FGF13: variants seen among roughly 807,000 people sequenced by gnomAD.
FGF13 encodes fibroblast growth factor homologous factor 2.
Under a neutral mutation model 19.5 loss-of-function variants are expected in FGF13, and 2 were observed. The ratio of observed to expected loss-of-function variants is 0.10; its 90% CI spans 0.04 to 0.32. The LOEUF (loss-of-function observed/expected upper bound fraction) is 0.32, where lower values mean the gene tolerates loss of function less well. Among genes scored for constraint, FGF13 ranks in the 10% least tolerant of loss-of-function variants. The pLI, the probability that FGF13 is intolerant of heterozygous loss-of-function variation, is 1.00. For synonymous variants in FGF13, 72 were observed against 76.9 expected (o/e 0.94, Z 0.33); for missense variants, 113 against 192.7 (o/e 0.59, Z 2.45).
At chrX:139,141,040 AGATAGAT>A (rs1885132207) in intron 1 of FGF13, among the ~76,000 whole-genome samples, 1 of 86,673 alleles carries the variant, frequency 1.2e-5, no homozygotes, top group South Asian at 6.5e-4. Context: ...CCTCACCACT[AGATAGAT>A]GATAGATAGA....
intron 1 of FGF13, among the ~76,000 whole-genome samples, chrX:138,943,555 A>T (rs1422780633): frequency 8.9e-6 from 1 of 112,057 alleles, no homozygotes; most frequent in Non-Finnish European, 1.9e-5. Flanking sequence ...TCATTCACTA[A>T]ATGTCATTCA....
intron 1 of FGF13, among the ~76,000 whole-genome samples, chrX:138,897,913 A>G (rs1324760290): frequency 1.8e-5 from 2 of 111,290 alleles, no homozygotes; most frequent in Admixed American, 1.9e-4. Flanking sequence ...TTTTATCTTG[A>G]TGAGGTCAAA....
intron 1 of FGF13, among the ~76,000 whole-genome samples, chrX:138,957,989 C>T (rs1167813309): frequency 8.9e-6 from 1 of 111,853 alleles, no homozygotes; most frequent in Non-Finnish European, 1.9e-5. Flanking sequence ...AATTTGACTT[C>T]CTCTTTTCCT....
At chrX:138,701,179 T>C (rs908950923) in intron 3 of FGF13, among the ~76,000 whole-genome samples, 4 of 112,485 alleles carry the variant, frequency 3.6e-5, no homozygotes, top group East Asian at 2.8e-4. Context: ...CTGCAACCCA[T>C]TGAAATTCTG....
intron 1 of FGF13, among the ~76,000 whole-genome samples, chrX:138,720,802 T>A (rs925703246): frequency 8.9e-6 from 1 of 111,795 alleles, no homozygotes; most frequent in Non-Finnish European, 1.9e-5. Flanking sequence ...TTCAACTGAC[T>A]ACTGGTACTA....
chrX:138,788,761 C>T (rs2090714738), intron 3 of FGF13, among the ~76,000 whole-genome samples: 1 of 90,649 alleles, frequency 1.1e-5, no homozygotes, highest in South Asian at 6.1e-4. Context: ...GTCAAAGATT[C>T]CTTGGTCAAA....
chrX:138,926,827 C>T (rs899853798), intron 1 of FGF13, among the ~76,000 whole-genome samples: 4 of 111,137 alleles, frequency 3.6e-5, no homozygotes, highest in Non-Finnish European at 5.7e-5. Flanking sequence ...GTGTGGCGGG[C>T]TCCTGTAATC....
At chrX:138,923,928 T>C (rs142045613) in intron 1 of FGF13, among the ~76,000 whole-genome samples, 1,316 of 112,058 alleles carry the variant, frequency 0.012, 22 homozygotes, top group African/African-American at 0.041. Flanking sequence ...CTTCAGCCCA[T>C]TACCAAGGAA....
chrX:139,128,998 T>A (rs985170117), intron 1 of FGF13, among the ~76,000 whole-genome samples: 1 of 109,356 alleles, frequency 9.1e-6, no homozygotes, highest in African/African-American at 3.3e-5. Flanking sequence ...TGTTCCTAAT[T>A]TAATCCCTTC....
At position 139,055,061 on chromosome X, in the gene FGF13, T is replaced by C. The variant is rs141528534; in HGVS notation, c.-113+148355A>G. Among the ~76,000 whole-genome samples the C allele has an allele frequency of 1.8e-3, 198 of 111,801 alleles. 1 individual carries two copies. Among genetic ancestry groups the C allele is most frequent in the African/African-American group, 6.3e-3 (194 of 30,711 alleles). On this transcript the variant is annotated intron_variant, in intron 1 of 2. Coordinates refer to the FGF13 transcript ENST00000421460. ...ATCCGGAAAGTTTGCTGAATTCTTTTATTAGTTCTAGGAGCTTTTTGGAGG... is the reference window on the plus strand; with the variant it reads ...ATCCGGAAAGTTTGCTGAATTCTTTCATTAGTTCTAGGAGCTTTTTGGAGG...
At chrX:139,076,141 C>A (rs934491908) in intron 1 of FGF13, among the ~76,000 whole-genome samples, 1 of 111,499 alleles carries the variant, frequency 9.0e-6, no homozygotes, top group Non-Finnish European at 1.9e-5. Flanking sequence ...AGCCTCCATG[C>A]ATGACGATAG....
intron 3 of FGF13, among the ~76,000 whole-genome samples, chrX:138,774,875 A>T: frequency 8.9e-6 from 1 of 112,689 alleles, no homozygotes; most frequent in Non-Finnish European, 1.9e-5. Flanking sequence ...ATTTATTTTC[A>T]TTAAACTTAA....
intron 3 of FGF13, among the ~76,000 whole-genome samples, chrX:138,787,356 G>A (rs2090701841): frequency 9.0e-6 from 1 of 111,552 alleles, no homozygotes; most frequent in Admixed American, 9.5e-5. Flanking sequence ...ATTACCAGAG[G>A]CTGGATGGCT....
intron 1 of FGF13, among the ~76,000 whole-genome samples, chrX:139,010,634 C>T (rs1200715164): frequency 4.5e-5 from 5 of 111,013 alleles, no homozygotes; most frequent in African/African-American, 1.6e-4. Context: ...CCTCTCAAAA[C>T]CTCTGGGAAA....
At chrX:139,057,237 A>ACTT in intron 1 of FGF13, among the ~76,000 whole-genome samples, 1 of 111,308 alleles carries the variant, frequency 9.0e-6, no homozygotes, top group Non-Finnish European at 1.9e-5. Flanking sequence ...ATAGGAAATG[A>ACTT]CTTAAGATTA....
intron 3 of FGF13, among the ~76,000 whole-genome samples, chrX:138,779,893 A>C (rs2090624208): frequency 9.4e-6 from 1 of 106,640 alleles, no homozygotes; most frequent in South Asian, 4.6e-4. Flanking sequence ...TGAAGGAAAA[A>C]ATGTTAAGGG....
At chrX:139,079,117 C>A (rs900475109) in intron 1 of FGF13, among the ~76,000 whole-genome samples, 2 of 112,034 alleles carry the variant, frequency 1.8e-5, no homozygotes, top group Admixed American at 1.9e-4. Context: ...CGATTCGCAG[C>A]GTGTGTTGCT....
At chrX:138,827,750 A>C (rs1409820257) in intron 3 of FGF13, among the ~76,000 whole-genome samples, 1 of 112,023 alleles carries the variant, frequency 8.9e-6, no homozygotes, top group Non-Finnish European at 1.9e-5. Flanking sequence ...AAGATAAGTT[A>C]AAAGAATCAC....
intron 3 of FGF13, among the ~76,000 whole-genome samples, chrX:138,837,371 G>A (rs1172166393): frequency 5.4e-5 from 6 of 111,548 alleles, no homozygotes; most frequent in Admixed American, 3.8e-4. Flanking sequence ...ACACCATTAG[G>A]GGTAGCCAGA....
Sources: allele counts gnomAD v4.1 joint callset (sites outside exome capture counted in the v4.1 genomes callset), GRCh38; gene constraint gnomAD v4.1.1; transcripts MANE v1.5; gene names NCBI Gene and HGNC (gene_info 2026-07-23, HGNC 2026-07-21).